Variants in RFTN1 observed in about 807,000 individuals in gnomAD.
The protein encoded by RFTN1 is raftlin, lipid raft linker 1.
Under a neutral mutation model 46.5 loss-of-function variants are expected in RFTN1, and 26 were observed. That is an observed-to-expected ratio of 0.56 (90% confidence interval 0.41 to 0.78). The LOEUF is 0.78. Among genes scored for constraint, RFTN1 ranks in the 30% least tolerant of loss-of-function variants. The pLI, the probability that RFTN1 is intolerant of heterozygous loss-of-function variation, is 0.00. For synonymous variants in RFTN1, 261 were observed against 284.2 expected (o/e 0.92, Z 0.82); for missense variants, 693 against 718.7 (o/e 0.96, Z 0.41).
chr3:16,412,902 A>G (rs1203572331), intron 3 of RFTN1, among the ~76,000 whole-genome samples: 1 of 152,206 alleles, frequency 6.6e-6, no homozygotes, highest in Non-Finnish European at 1.5e-5. Flanking sequence ...ATTCCTGCCA[A>G]CAAACTGAGG....
intron 5 of RFTN1, among the ~76,000 whole-genome samples, chr3:16,377,176 G>A (rs543341020): frequency 2.4e-4 from 37 of 152,008 alleles, no homozygotes; most frequent in South Asian, 6.2e-4. Context: ...GGCAAATCTT[G>A]TTAGTCTATC....
rs745609665 is a variant in RFTN1 at position 16,457,491 on chromosome 3, C to T, written c.146-23454G>A. Among the ~76,000 whole-genome samples the T allele has an allele frequency of 7.2e-5, 11 of 152,186 alleles. No individual in the cohort carries two copies. Among genetic ancestry groups the T allele is most frequent in the Non-Finnish European group, 1.3e-4 (9 of 68,026 alleles). On this transcript the variant is annotated intron_variant, in intron 2 of 9. Transcript: ENST00000334133. The surrounding 1 kb of genome is among the most constrained non-coding windows in gnomAD (Gnocchi z 4.2). ...CCGGTTATCATTATACCTTCTTTTA[C>T]GATATACAAGGCATCCCAAAAGTCT...
rs2070676679 is a variant in RFTN1, at chr3:16,334,677, A to G, written c.1147-7801T>C. 6.6e-6 allele frequency among the ~76,000 whole-genome samples: 1 copy of G among 152,230 alleles called. No homozygotes were observed. The highest frequency in any genetic ancestry group is 6.5e-5 in the Admixed American group (1 of 15,290). On this transcript the variant is annotated intron_variant, in intron 7 of 9. Coordinates refer to ENST00000334133, the MANE Select transcript of RFTN1 (RefSeq NM_015150.2). This position sits in a 1 kb window ranked among gnomAD's most constrained non-coding sequence, Gnocchi z 4.3. ...GTTTGAGGAACCTATGGAAATGTCC[A>G]GGAGGCAACTAAATGAAACAGCCTG... is the stretch of plus-strand genomic sequence containing the variant.
intron 1 of RFTN1, among the ~76,000 whole-genome samples, chr3:16,503,990 C>T (rs1177154668): frequency 1.3e-5 from 2 of 152,158 alleles, no homozygotes; most frequent in Admixed American, 1.3e-4. Flanking sequence ...CCCTGTCTCC[C>T]TATCTTTCTA....
intron 4 of RFTN1, among the ~76,000 whole-genome samples, chr3:16,403,096 T>C (rs2074645174): frequency 6.6e-6 from 1 of 152,182 alleles, no homozygotes; most frequent in African/African-American, 2.4e-5. Context: ...CATCCTTCAC[T>C]GAGGGGACAC....
rs1326426835 is a variant in RFTN1 at position 16,413,327 on chromosome 3, A to G, written c.333-3844T>C. Among the ~76,000 whole-genome samples, 1 of 152,252 alleles carries G rather than the reference A, an allele frequency of 6.6e-6. No individual in the cohort carries two copies. The highest frequency in any genetic ancestry group is 1.9e-4 in the East Asian group (1 of 5,198). ...TGGACATGTCCTAGAAGTGACCTCCAGGGCTGTGGCCTGGTTGTCCAAGAT... is the reference window on the plus strand; with the variant it reads ...TGGACATGTCCTAGAAGTGACCTCCGGGGCTGTGGCCTGGTTGTCCAAGAT... On this transcript the variant is annotated intron_variant, in intron 3 of 9. Transcript: ENST00000334133. The surrounding 1 kb of genome is among the most constrained non-coding windows in gnomAD (Gnocchi z 4.7).
rs184123138 is a variant in RFTN1 at position 16,399,299 on chromosome 3, T to C, written c.441+10076A>G. Among the ~76,000 whole-genome samples the C allele has an allele frequency of 1.2e-3, 180 of 152,226 alleles. 1 individual carries two copies. Among genetic ancestry groups the C allele is most frequent in the African/African-American group, 4.2e-3 (174 of 41,524 alleles). ...TTTTAAAAAAACAACCTCAGAACTA[T>C]CCTAGGACTAAGGCAAAAACACACA... On this transcript the variant is annotated intron_variant, in intron 4 of 9. Coordinates refer to ENST00000334133, the MANE Select transcript of RFTN1 (RefSeq NM_015150.2).
At position 16,506,213 on chromosome 3, in the gene RFTN1, C is replaced by T. The variant is rs1394468172; in HGVS notation, c.-9+7229G>A. Among the ~76,000 whole-genome samples, 1 of 152,070 alleles carries T rather than the reference C, an allele frequency of 6.6e-6. No homozygotes were observed. Among genetic ancestry groups the T allele is most frequent in the East Asian group, 1.9e-4 (1 of 5,182 alleles). On this transcript the variant is annotated intron_variant, in intron 1 of 9. Coordinates refer to ENST00000334133, the MANE Select transcript of RFTN1 (RefSeq NM_015150.2). The surrounding 1 kb of genome is among the most constrained non-coding windows in gnomAD (Gnocchi z 4.8). ...ATCATGAGGAAGGCCACAGAGCGAG[C>T]CATGGGATAAGGGGGAGGGTGGGCT...
intron 1 of RFTN1, among the ~76,000 whole-genome samples, chr3:16,496,708 C>G (rs939714062): frequency 6.6e-6 from 1 of 152,114 alleles, no homozygotes. Flanking sequence ...TCCTGTGACC[C>G]GGAAATTCCT....
At position 16,506,540 on chromosome 3, in the gene RFTN1, T is replaced by C. The variant is rs573398092; in HGVS notation, c.-9+6902A>G. On this transcript the variant is annotated intron_variant, in intron 1 of 9. Coordinates refer to ENST00000334133, the MANE Select transcript of RFTN1 (RefSeq NM_015150.2). This position sits in a 1 kb window ranked among gnomAD's most constrained non-coding sequence, Gnocchi z 4.8. ...GAAGGCAGAAAACAGGATTGACTGA[T>C]GATTTGGAAAAAGGGGATGAGCAAA... 1.4e-4 allele frequency among the ~76,000 whole-genome samples: 21 copies of C among 152,182 alleles called. No homozygotes were observed. The highest frequency in any genetic ancestry group is 4.8e-4 in the African/African-American group (20 of 41,522).
At chr3:16,347,228 T>C (rs2071784704) in intron 7 of RFTN1, among the ~76,000 whole-genome samples, 2 of 152,204 alleles carry the variant, frequency 1.3e-5, no homozygotes, top group South Asian at 4.1e-4. Flanking sequence ...ACTTTTCACA[T>C]GCAAACATAC....
intron 7 of RFTN1, among the ~76,000 whole-genome samples, chr3:16,355,893 C>G (rs1389593800): frequency 1.3e-5 from 2 of 152,176 alleles, no homozygotes; most frequent in Admixed American, 6.5e-5. Flanking sequence ...ACCACAGAGC[C>G]CTCCCTTAAC....
In RFTN1 at chr3:16,506,848, G is replaced by A. The variant is rs184452601; in HGVS notation, c.-9+6594C>T. Among the ~76,000 whole-genome samples the A allele has an allele frequency of 2.0e-5, 3 of 152,254 alleles. No homozygotes were observed. The highest frequency in any genetic ancestry group is 3.9e-4 in the East Asian group (2 of 5,178). ...TTCCAATGCCCTGCCCATAACAGATGCACAATAAATACCTACTTAGCAGCA... is the reference window on the plus strand; with the variant it reads ...TTCCAATGCCCTGCCCATAACAGATACACAATAAATACCTACTTAGCAGCA... On this transcript the variant is annotated intron_variant, in intron 1 of 9. Transcript: ENST00000334133. This position sits in a 1 kb window ranked among gnomAD's most constrained non-coding sequence, Gnocchi z 4.8.
In RFTN1 at chr3:16,459,256, A is replaced by C. The variant is rs955307784; in HGVS notation, c.146-25219T>G. Among the ~76,000 whole-genome samples, 2 of 152,188 alleles carry C rather than the reference A, an allele frequency of 1.3e-5. No homozygotes were observed. Among genetic ancestry groups the C allele is most frequent in the African/African-American group, 4.8e-5 (2 of 41,436 alleles). The stretch of plus-strand genomic sequence containing the variant: ...ACTACTGTGTTTTCTGAAGGAAATT[A>C]GTTTTAACAGAACCAGAAAGGACTA... On this transcript the variant is annotated intron_variant, in intron 2 of 9. Transcript: ENST00000334133. The surrounding 1 kb of genome is among the most constrained non-coding windows in gnomAD (Gnocchi z 4.2).
At chr3:16,434,363 A>C (rs1448510438) in intron 2 of RFTN1, among the ~76,000 whole-genome samples, 1 of 24,800 alleles carries the variant, frequency 4.0e-5, no homozygotes, top group African/African-American at 2.9e-4. Flanking sequence ...GTCTCTCTTA[A>C]ACAAACAAAC....
At chr3:16,347,446 G>A (rs1230177412) in intron 7 of RFTN1, among the ~76,000 whole-genome samples, 1 of 152,190 alleles carries the variant, frequency 6.6e-6, no homozygotes, top group East Asian at 1.9e-4. Flanking sequence ...TGGAGGCTAG[G>A]GGGAGAATCC....
At chr3:16,416,031 G>T in intron 3 of RFTN1, 1 of 232,148 alleles carries the variant, frequency 4.3e-6, no homozygotes, top group Non-Finnish European at 8.9e-6. Context: ...TTGCTGCTGA[G>T]TCATTTCTCA....
intron 2 of RFTN1, among the ~76,000 whole-genome samples, chr3:16,485,167 T>C (rs545628870): frequency 1.3e-5 from 2 of 152,190 alleles, no homozygotes; most frequent in Admixed American, 6.5e-5. Context: ...TTCGTGGATA[T>C]TCAGCTTTTT....
chr3:16,467,226 T>C (rs537319358), intron 2 of RFTN1, among the ~76,000 whole-genome samples: 1 of 152,042 alleles, frequency 6.6e-6, no homozygotes, highest in East Asian at 1.9e-4. Flanking sequence ...AATAATCAAG[T>C]GGATATGATG....
Sources: allele counts gnomAD v4.1 joint callset (sites outside exome capture counted in the v4.1 genomes callset), GRCh38; gene constraint gnomAD v4.1.1; non-coding constraint Gnocchi (gnomAD v3.1); transcripts MANE v1.5; gene names NCBI Gene and HGNC (gene_info 2026-07-23, HGNC 2026-07-21).